STAG1: variants seen among roughly 807,000 people sequenced by gnomAD.
STAG1 encodes cohesin subunit SA-1.
STAG1 carries 26 observed loss-of-function variants against 170.9 expected under a neutral mutation model. The ratio of observed to expected loss-of-function variants is 0.15; its 90% confidence interval spans 0.11 to 0.21. The LOEUF (loss-of-function observed/expected upper bound fraction) is 0.21, where lower values mean the gene tolerates loss of function less well. Ranked by LOEUF, STAG1 falls within the 10% of genes least tolerant of loss-of-function variation. STAG1 has a pLI of 1.00. For synonymous variants in STAG1, 514 were observed against 497.7 expected (o/e 1.03, Z -0.44); for missense variants, 964 against 1,509.5 (o/e 0.64, Z 5.99).
chr3:136,503,590 C>G (rs1052774439), intron 7 of STAG1, among the ~76,000 whole-genome samples: 46 of 151,944 alleles, frequency 3.0e-4, no homozygotes, highest in Non-Finnish European at 5.9e-5. Flanking sequence ...CCCCTTTTTG[C>G]TCCTTTTAGG....
intron 24 of STAG1, among the ~76,000 whole-genome samples, chr3:136,368,367 A>G (rs575806606): frequency 6.6e-6 from 1 of 152,324 alleles, no homozygotes; most frequent in East Asian, 1.9e-4. Context: ...ATCATTCTGC[A>G]GGCATAGCAC....
chr3:136,512,096 TAAAAAAAAAAA>T (rs35238532), intron 7 of STAG1, among the ~76,000 whole-genome samples: 29 of 68,318 alleles, frequency 4.2e-4, no homozygotes, highest in East Asian at 2.3e-3. Context: ...CTCTACAAAA[TAAAAAAAAAAA>T]AAAAAAAAAA....
At chr3:136,389,048 G>T (rs181055555) in intron 22 of STAG1, among the ~76,000 whole-genome samples, 96 of 151,846 alleles carry the variant, frequency 6.3e-4, no homozygotes, top group African/African-American at 2.3e-3. Flanking sequence ...CTCCTGCCTC[G>T]GCCTCCCAAA....
At chr3:136,368,788 T>C (rs1576396314) in intron 24 of STAG1, among the ~76,000 whole-genome samples, 1 of 152,208 alleles carries the variant, frequency 6.6e-6, no homozygotes, top group East Asian at 1.9e-4. Context: ...GACTTCACTA[T>C]GTACATTTTT....
chr3:136,438,656 A>G (rs2088533828), intron 15 of STAG1, among the ~76,000 whole-genome samples: 3 of 151,854 alleles, frequency 2.0e-5, no homozygotes, highest in Non-Finnish European at 2.9e-5. Flanking sequence ...TATTTTGAAT[A>G]TTTACTCAAT....
intron 1 of STAG1, among the ~76,000 whole-genome samples, chr3:136,678,785 G>A (rs1942224207): frequency 6.7e-6 from 1 of 148,578 alleles, no homozygotes; most frequent in African/African-American, 2.5e-5. Context: ...GGCCAAGGTG[G>A]GATAATCACT....
chr3:136,373,406 G>C (rs1937454165), intron 23 of STAG1, among the ~76,000 whole-genome samples: 2 of 152,018 alleles, frequency 1.3e-5, no homozygotes, highest in Non-Finnish European at 2.9e-5. Context: ...GAATGTGCTT[G>C]CTCTTGTTTC....
intron 25 of STAG1, among the ~76,000 whole-genome samples, chr3:136,364,997 T>C (rs1251650923): frequency 6.6e-6 from 1 of 152,200 alleles, no homozygotes; most frequent in African/African-American, 2.4e-5. Context: ...AAGTTCAGAC[T>C]GAACCAATTA....
chr3:136,622,895 G>T (rs946037313), intron 3 of STAG1, among the ~76,000 whole-genome samples: 1 of 152,172 alleles, frequency 6.6e-6, no homozygotes, highest in African/African-American at 2.4e-5. Flanking sequence ...CACTGTTAGT[G>T]ACCTTCTCTA....
At chr3:136,662,403 C>T (rs771994452) in intron 1 of STAG1, among the ~76,000 whole-genome samples, 41 of 152,104 alleles carry the variant, frequency 2.7e-4, no homozygotes, top group Non-Finnish European at 5.6e-4. Flanking sequence ...CCACCTGCCT[C>T]GGCCTCCCAA....
At chr3:136,367,393 G>A (rs1444317144) in intron 24 of STAG1, among the ~76,000 whole-genome samples, 1 of 151,994 alleles carries the variant, frequency 6.6e-6, no homozygotes, top group Non-Finnish European at 1.5e-5. Flanking sequence ...CACAGATAGG[G>A]AGGGCTGATT....
intron 29 of STAG1, among the ~76,000 whole-genome samples, chr3:136,344,699 C>T (rs1451856786): frequency 1.3e-5 from 2 of 151,962 alleles, no homozygotes; most frequent in African/African-American, 2.4e-5. Context: ...CTGCAACCTC[C>T]GCCTCCCAGG....
intron 1 of STAG1, among the ~76,000 whole-genome samples, chr3:136,726,804 C>T (rs1468158470): frequency 6.6e-6 from 1 of 152,134 alleles, no homozygotes; most frequent in Non-Finnish European, 1.5e-5. Flanking sequence ...ATCTATGAGT[C>T]CTAACTATCC....
chr3:136,606,867 G>A (rs1269435440), intron 3 of STAG1, among the ~76,000 whole-genome samples: 1 of 150,754 alleles, frequency 6.6e-6, no homozygotes, highest in Non-Finnish European at 1.5e-5. Context: ...TCCTGCCTCA[G>A]CCTCCCGAGT....
At chr3:136,703,358 C>T (rs1333949303) in intron 1 of STAG1, among the ~76,000 whole-genome samples, 2 of 152,172 alleles carry the variant, frequency 1.3e-5, no homozygotes, top group African/African-American at 4.8e-5. Flanking sequence ...CAGCAGCCCA[C>T]CTTTCTGATT....
chr3:136,618,186 C>CAATCACCT (rs1939681492), intron 3 of STAG1, among the ~76,000 whole-genome samples: 4 of 151,796 alleles, frequency 2.6e-5, no homozygotes, highest in Admixed American at 2.0e-4. Context: ...TGACTCATTC[C>CAATCACCT]GATCACCTGC....
At chr3:136,572,131 C>G (rs1937283537) in intron 4 of STAG1, among the ~76,000 whole-genome samples, 1 of 152,120 alleles carries the variant, frequency 6.6e-6, no homozygotes, top group African/African-American at 2.4e-5. Flanking sequence ...ACAAGAATCA[C>G]TTGAACCTGG....
chr3:136,634,941 C>CA (rs1440772024), intron 1 of STAG1, among the ~76,000 whole-genome samples: 3 of 151,906 alleles, frequency 2.0e-5, no homozygotes, highest in Non-Finnish European at 4.4e-5. Context: ...AAAACTGGCT[C>CA]AAAAAACACA....
chr3:136,455,996 C>A (rs2089101742), intron 13 of STAG1, among the ~76,000 whole-genome samples: 1 of 152,110 alleles, frequency 6.6e-6, no homozygotes, highest in South Asian at 2.1e-4. Flanking sequence ...AAGAAAAAAA[C>A]AAGAGGCCAG....
Sources: allele counts gnomAD v4.1 joint callset (sites outside exome capture counted in the v4.1 genomes callset), GRCh38; gene constraint gnomAD v4.1.1; transcripts MANE v1.5; gene names NCBI Gene and HGNC (gene_info 2026-07-23, HGNC 2026-07-21).